The following FLI1 variants were observed in gnomAD, a reference collection of about 807,000 sequenced individuals.
FLI1 encodes Fli-1 proto-oncogene, ETS transcription factor.
A neutral mutation model predicts 53.1 loss-of-function variants in FLI1; 13 were observed. That is an observed-to-expected ratio of 0.24 (90% CI 0.16 to 0.39). The LOEUF (loss-of-function observed/expected upper bound fraction) is 0.39, where lower values mean the gene tolerates loss of function less well. Ranked by LOEUF, FLI1 falls within the 10% of genes least tolerant of loss-of-function variation. The pLI, the probability that FLI1 is intolerant of heterozygous loss-of-function variation, is 1.00. For synonymous variants in FLI1, 244 were observed against 236.7 expected, an observed-to-expected ratio of 1.03 and a Z score of -0.28; for missense variants, 424 against 600.5, an observed-to-expected ratio of 0.71 and a Z score of 3.07.
intron 2 of FLI1, among the ~76,000 whole-genome samples, chr11:128,762,592 C>A (rs1313067782): frequency 6.6e-6 from 1 of 152,156 alleles, no homozygotes; most frequent in Non-Finnish European, 1.5e-5. Flanking sequence ...TATTAATATA[C>A]TTTAATATAT....
rs757870416 is a variant in FLI1, at chr11:128,812,599, T to C, written c.*1611T>C. ...TGATGATGTTTGTAGTGTTTTTGTGTGTGTTATTTAAATCTTCCTCCAGCC... is the reference window on the plus strand; with the variant it reads ...TGATGATGTTTGTAGTGTTTTTGTGCGTGTTATTTAAATCTTCCTCCAGCC... On this transcript the variant is annotated 3_prime_UTR_variant, in exon 9 of 9. Coordinates refer to ENST00000527786, the MANE Select transcript of FLI1 (RefSeq NM_002017.5). 4.5e-6 allele frequency: 1 copy of C among 224,052 alleles called. No homozygotes were observed. The highest frequency in any genetic ancestry group is 8.9e-6 in the Non-Finnish European group (1 of 112,224). The allele number at this position is 224,052 out of a possible 1,614,324, so 13.9% of individuals were successfully genotyped here.
chr11:128,746,643 T>A (rs1032588946), intron 1 of FLI1, among the ~76,000 whole-genome samples: 6 of 152,170 alleles, frequency 3.9e-5, no homozygotes, highest in Non-Finnish European at 7.3e-5. Flanking sequence ...GCTCCGGAAC[T>A]CCATCCTGGC....
rs185254523 is a variant in FLI1 at position 128,712,583 on chromosome 11, G to A, written c.18+18307G>A. Among the ~76,000 whole-genome samples the A allele has an allele frequency of 9.9e-5, 15 of 152,282 alleles. No homozygotes were observed. The East Asian group carries it at 1.2e-3, about 12-fold the overall frequency. ...GCTAGGGAGGCTTCACAATCATGGC[G>A]GAAGGCAAGGAGGAGAAAGTCACAC... On this transcript the variant is annotated intron_variant, in intron 1 of 8. Coordinates refer to ENST00000527786, the MANE Select transcript of FLI1 (RefSeq NM_002017.5).
upstream of FLI1, chr11:128,692,762 T>C (rs1280284358): frequency 1.3e-5 from 2 of 152,194 alleles, no homozygotes; most frequent in Non-Finnish European, 2.9e-5. Context: ...TAAATAAAAG[T>C]GAGCAAGTCC....
At chr11:128,771,669 G>A (rs1410023687) in intron 3 of FLI1, among the ~76,000 whole-genome samples, 1 of 152,180 alleles carries the variant, frequency 6.6e-6, no homozygotes, top group Admixed American at 6.5e-5. Context: ...TTAGAAGCCG[G>A]AGGCTAATGG....
chr11:128,690,716 C>T (rs1937704448), upstream of FLI1, among the ~76,000 whole-genome samples: 1 of 152,220 alleles, frequency 6.6e-6, no homozygotes, highest in Non-Finnish European at 1.5e-5. Context: ...CTGTAAGTGA[C>T]CCCAGACTTG....
chr11:128,693,997 G>C, upstream of FLI1: 3 of 263,056 alleles, frequency 1.1e-5, no homozygotes, highest in Non-Finnish European at 7.0e-6. Flanking sequence ...AGAGAGATAG[G>C]ACTTCCTCCC....
chr11:128,762,980 T>C (rs1941183314), intron 2 of FLI1, among the ~76,000 whole-genome samples: 1 of 152,070 alleles, frequency 6.6e-6, no homozygotes, highest in Admixed American at 6.5e-5. Flanking sequence ...ATTATGTAGT[T>C]CGCACATGTG....
At chr11:128,787,046 T>C (rs1440469045) in intron 5 of FLI1, among the ~76,000 whole-genome samples, 1 of 152,158 alleles carries the variant, frequency 6.6e-6, no homozygotes, top group Non-Finnish European at 1.5e-5. Flanking sequence ...GCTTGCATGC[T>C]AAGTATGGAA....
chr11:128,687,609 G>A (rs539919498), intron 1 of FLI1, among the ~76,000 whole-genome samples: 4 of 152,036 alleles, frequency 2.6e-5, no homozygotes, highest in Non-Finnish European at 5.9e-5. Flanking sequence ...TCCCCAGACC[G>A]GTCAGTGAGG....
intron 1 of FLI1, among the ~76,000 whole-genome samples, chr11:128,713,766 G>A (rs186800941): frequency 9.2e-5 from 14 of 152,240 alleles, no homozygotes; most frequent in South Asian, 4.1e-4. Flanking sequence ...CATTTAGGCC[G>A]AACCCTGAAA....
At chr11:128,776,635 A>AC (rs2135852480) in intron 4 of FLI1, among the ~76,000 whole-genome samples, 1 of 152,252 alleles carries the variant, frequency 6.6e-6, no homozygotes, top group African/African-American at 2.4e-5. Context: ...TGGGCGATAG[A>AC]CCGAGGCTCT....
intron 3 of FLI1, among the ~76,000 whole-genome samples, chr11:128,770,157 C>T (rs2135837970): frequency 1.3e-5 from 2 of 152,342 alleles, no homozygotes; most frequent in East Asian, 3.9e-4. Context: ...TCCAAACTTT[C>T]TTTGATCAGT....
chr11:128,699,705 T>C (rs1044672614), intron 1 of FLI1, among the ~76,000 whole-genome samples: 2 of 152,234 alleles, frequency 1.3e-5, no homozygotes, highest in African/African-American at 4.8e-5. Context: ...GCCACTGACC[T>C]GATAGACCCA....
At chr11:128,752,049 C>T (rs1287243873) in intron 1 of FLI1, among the ~76,000 whole-genome samples, 1 of 151,970 alleles carries the variant, frequency 6.6e-6, no homozygotes, top group African/African-American at 2.4e-5. Context: ...TACATCGGCT[C>T]ACAGCAAGCT....
intron 1 of FLI1, among the ~76,000 whole-genome samples, chr11:128,757,075 TC>T (rs1179760743): frequency 5.1e-4 from 72 of 142,444 alleles, no homozygotes; most frequent in African/African-American, 2.0e-3. Context: ...TTTCTTTCTT[TC>T]TTTCTTTCTT....
intron 7 of FLI1, among the ~76,000 whole-genome samples, chr11:128,808,724 C>T (rs1423186242): frequency 7.8e-6 from 1 of 127,936 alleles, no homozygotes; most frequent in Non-Finnish European, 1.8e-5. Flanking sequence ...TTTCATGCTA[C>T]ATTTAAAAAA....
At chr11:128,705,368 T>C (rs773478938) in intron 1 of FLI1, among the ~76,000 whole-genome samples, 3 of 152,198 alleles carry the variant, frequency 2.0e-5, no homozygotes, top group Non-Finnish European at 2.9e-5. Flanking sequence ...AATGAGTTGA[T>C]TTTTAAATGT....
chr11:128,725,634 T>C (rs981519767), intron 1 of FLI1, among the ~76,000 whole-genome samples: 28 of 128,292 alleles, frequency 2.2e-4, no homozygotes, highest in Middle Eastern at 3.5e-3. Context: ...CATCCTTTCT[T>C]TCATTCTCTC....
Sources: gnomAD v4.1 joint callset for allele counts (sites outside exome capture counted in the v4.1 genomes callset) on GRCh38, gnomAD v4.1.1 for gene constraint, MANE v1.5 for transcripts, NCBI Gene and HGNC (gene_info 2026-07-23, HGNC 2026-07-21) for gene names.